STXBP4: variants seen among roughly 807,000 people sequenced by gnomAD.
STXBP4 encodes the protein syntaxin binding protein 4.
A neutral mutation model predicts 76.1 loss-of-function variants in STXBP4; 55 were observed. That is an observed-to-expected ratio of 0.72 (90% CI 0.58 to 0.91). The LOEUF is 0.91. Among genes scored for constraint, STXBP4 ranks in the 40% least tolerant of loss-of-function variants. STXBP4 has a pLI of 0.00. For synonymous variants in STXBP4, 201 were observed against 220.2 expected (o/e 0.91, Z 0.77); for missense variants, 618 against 636.9 (o/e 0.97, Z 0.32).
chr17:55,123,921 C>G (rs1048435276), intron 16 of STXBP4, among the ~76,000 whole-genome samples: 1 of 151,486 alleles, frequency 6.6e-6, no homozygotes, highest in African/African-American at 2.4e-5. Flanking sequence ...GAAGATAAAA[C>G]GAGAAATATG....
intron 8 of STXBP4, among the ~76,000 whole-genome samples, chr17:55,020,515 A>G (rs560962332): frequency 6.6e-6 from 1 of 152,018 alleles, no homozygotes; most frequent in South Asian, 2.1e-4. Context: ...TATGTTGTAA[A>G]TTTTTTTTAA....
At chr17:55,099,131 A>T (rs1315350017) in intron 16 of STXBP4, among the ~76,000 whole-genome samples, 1 of 152,176 alleles carries the variant, frequency 6.6e-6, no homozygotes, top group African/African-American at 2.4e-5. Context: ...GTTAGTAAAT[A>T]TGTGAGGAAA....
chr17:55,151,449 G>C (rs2145175915), intron 17 of STXBP4, among the ~76,000 whole-genome samples: 1 of 152,320 alleles, frequency 6.6e-6, no homozygotes, highest in East Asian at 1.9e-4. Context: ...CCACATACCT[G>C]AACATCTGTA....
chr17:55,073,115 C>T, intron 13 of STXBP4, 39 bp downstream of exon 13: 1 of 1,594,236 alleles, frequency 6.3e-7, no homozygotes, highest in Non-Finnish European at 8.6e-7. Flanking sequence ...ACCATGGTTT[C>T]CTTGCCGTTG....
chr17:55,078,221 A>G, intron 14 of STXBP4, 27 bp downstream of exon 14: 1 of 1,459,296 alleles, frequency 6.9e-7, no homozygotes, highest in Non-Finnish European at 9.5e-7. Flanking sequence ...TATTACATTC[A>G]TCTTTAAAAA....
intron 16 of STXBP4, among the ~76,000 whole-genome samples, chr17:55,092,856 C>A (rs990368827): frequency 6.6e-6 from 1 of 152,168 alleles, no homozygotes; most frequent in Non-Finnish European, 1.5e-5. Context: ...CTTGATATGG[C>A]GTCTTCTCAT....
At chr17:55,043,731 G>T in intron 11 of STXBP4, 2 of 1,256,066 alleles carry the variant, frequency 1.6e-6, no homozygotes, top group Non-Finnish European at 2.2e-6. Context: ...GGGACATCAT[G>T]TTTTGCTAAC....
intron 17 of STXBP4, among the ~76,000 whole-genome samples, chr17:55,158,487 C>A (rs970026961): frequency 1.5e-4 from 23 of 151,994 alleles, no homozygotes; most frequent in African/African-American, 5.6e-4. Flanking sequence ...GGAGAAGAAA[C>A]AAATCCTTGT....
intron 17 of STXBP4, among the ~76,000 whole-genome samples, chr17:55,144,441 T>A (rs930372574): frequency 1.3e-5 from 2 of 152,188 alleles, no homozygotes; most frequent in African/African-American, 4.8e-5. Context: ...GTGAACAAAA[T>A]CCTTATGAAC....
At chr17:55,204,921 C>A in the STXBP4 span, among the ~76,000 whole-genome samples, 1 of 151,978 alleles carries the variant, frequency 6.6e-6, no homozygotes. Flanking sequence ...ACTGTCTTGG[C>A]AGTTCTCCAA....
chr17:55,065,504 CTT>C (rs993271358), intron 12 of STXBP4, among the ~76,000 whole-genome samples: 1 of 152,056 alleles, frequency 6.6e-6, no homozygotes, highest in African/African-American at 2.4e-5. Flanking sequence ...CCGGAAGTTG[CTT>C]TTGAATTGTA....
chr17:55,088,658 A>G (rs938771958), intron 16 of STXBP4, among the ~76,000 whole-genome samples: 1 of 152,096 alleles, frequency 6.6e-6, no homozygotes, highest in African/African-American at 2.4e-5. Flanking sequence ...CAGCCTCCCA[A>G]AGTGCTGGGA....
At chr17:55,072,810 A>G in intron 12 of STXBP4, 90 bp from the exon 13 acceptor site, 2 of 1,122,072 alleles carry the variant, frequency 1.8e-6, no homozygotes, top group Admixed American at 2.9e-5. Context: ...TTTTGGAATT[A>G]TAACTTCCAG....
chr17:55,106,082 TG>T (rs2079631265), intron 16 of STXBP4, among the ~76,000 whole-genome samples: 1 of 152,192 alleles, frequency 6.6e-6, no homozygotes, highest in Non-Finnish European at 1.5e-5. Flanking sequence ...TGTTATTGTG[TG>T]GGAGTCTAAG....
At chr17:55,026,475 A>G (rs528044073) in intron 8 of STXBP4, among the ~76,000 whole-genome samples, 1 of 152,350 alleles carries the variant, frequency 6.6e-6, no homozygotes, top group South Asian at 2.1e-4. Context: ...GGAAAATGGA[A>G]TAAAACCCCG....
chr17:55,044,863 C>T (rs552156815), intron 11 of STXBP4: 160 of 150,522 alleles, frequency 1.1e-3, no homozygotes, highest in African/African-American at 3.7e-3. Flanking sequence ...TTTTTTCTCT[C>T]TCTCTCTCTT....
intron 17 of STXBP4, among the ~76,000 whole-genome samples, chr17:55,146,177 T>G (rs919146161): frequency 2.0e-5 from 3 of 152,264 alleles, no homozygotes; most frequent in African/African-American, 7.2e-5. Context: ...TGCTAATTGC[T>G]TTTTTGTATC....
chr17:55,005,172 G>A (rs943146526), intron 7 of STXBP4, among the ~76,000 whole-genome samples: 2 of 152,180 alleles, frequency 1.3e-5, no homozygotes, highest in East Asian at 1.9e-4. Context: ...AGTTTTCACA[G>A]TAGTTTTCTA....
rs1036660081 is a variant in STXBP4, at chr17:55,165,098, A to G, written c.*5187A>G. 1.2e-4 allele frequency: 19 copies of G among 152,232 alleles called. No homozygotes were observed. Among genetic ancestry groups the G allele is most frequent in the African/African-American group, 4.6e-4 (19 of 41,462 alleles). The allele number at this position is 152,232 out of a possible 1,614,324, so 9.4% of individuals were successfully genotyped here. A position where few individuals can be genotyped will look rare whatever the true frequency, so the allele number is the denominator to read the frequency against. On this transcript the variant is annotated 3_prime_UTR_variant, in exon 18 of 18. Transcript: ENST00000376352. The stretch of plus-strand genomic sequence containing the variant: ...ACCATTTAATGTTCATTACGTTAAC[A>G]AAGAGTGTGATATCAGAAAGCAGAA...
Sources: allele counts gnomAD v4.1 joint callset (sites outside exome capture counted in the v4.1 genomes callset), GRCh38; gene constraint gnomAD v4.1.1; transcripts MANE v1.5; gene names NCBI Gene and HGNC (gene_info 2026-07-23, HGNC 2026-07-21).